EPHA5: variants seen among roughly 807,000 people sequenced by gnomAD.
EPHA5 encodes EPH receptor A5, also known as ephrin type-A receptor 5.
In EPHA5, 60 loss-of-function variants were observed where a neutral mutation model predicts 105.0. The observed-to-expected ratio is 0.57, with a 90% CI of 0.46 to 0.71. The LOEUF is 0.71. Among genes scored for constraint, EPHA5 ranks in the 30% least tolerant of loss-of-function variants. EPHA5 has a pLI of 0.00. For synonymous variants in EPHA5, 513 were observed against 449.1 expected, an observed-to-expected ratio of 1.14 and a Z score of -1.80; for missense variants, 1,218 against 1,274.7, an observed-to-expected ratio of 0.96 and a Z score of 0.68.
intron 3 of EPHA5, among the ~76,000 whole-genome samples, chr4:65,558,928 AT>A (rs964438078): frequency 3.9e-5 from 6 of 152,224 alleles, no homozygotes; most frequent in Admixed American, 1.3e-4. Flanking sequence ...TTTTAAAGTG[AT>A]TTTTTAAAAC....
chr4:65,660,549 T>G (rs1286768572), intron 1 of EPHA5, among the ~76,000 whole-genome samples: 1 of 152,150 alleles, frequency 6.6e-6, no homozygotes, highest in African/African-American at 2.4e-5. Flanking sequence ...GTGTACCCAC[T>G]TGGCTTTAGG....
chr4:65,549,653 T>G (rs1218149744), intron 3 of EPHA5, among the ~76,000 whole-genome samples: 1 of 152,122 alleles, frequency 6.6e-6, no homozygotes, highest in East Asian at 1.9e-4. Flanking sequence ...GATTATTTAC[T>G]GACAAAAGAA....
intron 3 of EPHA5, among the ~76,000 whole-genome samples, chr4:65,511,829 AT>A (rs1463658269): frequency 6.6e-6 from 1 of 152,192 alleles, no homozygotes; most frequent in Non-Finnish European, 1.5e-5. Flanking sequence ...GTATAAGATA[AT>A]TTATTTCCAA....
chr4:65,633,472 T>G (rs1175222672), intron 2 of EPHA5, among the ~76,000 whole-genome samples: 1 of 151,946 alleles, frequency 6.6e-6, no homozygotes, highest in Admixed American at 6.6e-5. Context: ...AACATTTTCA[T>G]TAATAAATGG....
At chr4:65,518,608 A>G (rs1377889000) in intron 3 of EPHA5, among the ~76,000 whole-genome samples, 3 of 152,134 alleles carry the variant, frequency 2.0e-5, no homozygotes, top group Admixed American at 6.6e-5. Context: ...GCCTAGTTTG[A>G]CATGCATAGA....
rs199557544 is a variant in EPHA5 at position 65,324,102 on chromosome 4, A to G, written c.*12T>C. ...AGAATCATTCACTTGAAGAAGCGAC[A>G]TTTACATGAAGTTACAATGGCACCA... On this transcript the variant is annotated 3_prime_UTR_variant, in exon 17 of 17. Transcript: ENST00000613740. 6.3e-7 allele frequency: 1 copy of G among 1,580,610 alleles called. No homozygotes were observed. Among genetic ancestry groups the G allele is most frequent in the Admixed American group, 1.7e-5 (1 of 59,414 alleles).
At chr4:65,418,743 T>C (rs960373141) in intron 6 of EPHA5, among the ~76,000 whole-genome samples, 1 of 152,078 alleles carries the variant, frequency 6.6e-6, no homozygotes, top group Non-Finnish European at 1.5e-5. Flanking sequence ...CTCCCCATTG[T>C]TTTATTCTTT....
chr4:65,634,798 C>T (rs528018053), intron 2 of EPHA5, among the ~76,000 whole-genome samples: 2 of 152,122 alleles, frequency 1.3e-5, no homozygotes, highest in Non-Finnish European at 1.5e-5. Context: ...CCTTCATGCT[C>T]AGTGTGGGCT....
intron 8 of EPHA5, among the ~76,000 whole-genome samples, chr4:65,388,014 G>C (rs1397677546): frequency 1.6e-5 from 2 of 121,392 alleles, no homozygotes; most frequent in African/African-American, 6.5e-5. Context: ...TCCCCTTCCT[G>C]TGTCCATGTG....
At chr4:65,348,697 T>TATATAA (rs1434874583) in intron 13 of EPHA5, among the ~76,000 whole-genome samples, 3 of 24,434 alleles carry the variant, frequency 1.2e-4, no homozygotes, top group African/African-American at 3.4e-4. Flanking sequence ...TATATATATA[T>TATATAA]AAAATATATA....
intron 3 of EPHA5, among the ~76,000 whole-genome samples, chr4:65,599,104 T>G (rs1374290741): frequency 1.3e-5 from 2 of 152,116 alleles, no homozygotes; most frequent in Non-Finnish European, 2.9e-5. Context: ...CAACAAGGTT[T>G]ACCTCTATAT....
intron 2 of EPHA5, among the ~76,000 whole-genome samples, chr4:65,632,839 T>C (rs1192619099): frequency 1.3e-5 from 2 of 152,072 alleles, no homozygotes; most frequent in Non-Finnish European, 2.9e-5. Context: ...TTTCATGTTG[T>C]ATAACTTGAG....
intron 8 of EPHA5, among the ~76,000 whole-genome samples, chr4:65,382,265 C>T (rs1212632171): frequency 1.3e-5 from 2 of 150,894 alleles, no homozygotes; most frequent in Non-Finnish European, 3.0e-5. Context: ...TGAGGTGAGA[C>T]ATATTTAGAA....
intron 9 of EPHA5, 43 bp from the exon 10 acceptor site, chr4:65,366,100 G>C (rs2148893310): frequency 6.5e-7 from 1 of 1,537,422 alleles, no homozygotes; most frequent in Non-Finnish European, 8.9e-7. Flanking sequence ...AGTTGTGATG[G>C]ATGAGCAAAA....
intron 3 of EPHA5, among the ~76,000 whole-genome samples, chr4:65,516,223 A>G (rs1351689157): frequency 6.6e-6 from 1 of 152,204 alleles, no homozygotes; most frequent in Non-Finnish European, 1.5e-5. Flanking sequence ...TGGAAGCCTT[A>G]CCAATAACAT....
intron 6 of EPHA5, among the ~76,000 whole-genome samples, chr4:65,416,543 T>C (rs944846289): frequency 2.0e-5 from 3 of 152,122 alleles, no homozygotes; most frequent in African/African-American, 7.2e-5. Context: ...CACTAACTAC[T>C]GAAGGTACAA....
intron 14 of EPHA5, among the ~76,000 whole-genome samples, chr4:65,340,333 T>C (rs932598175): frequency 6.6e-5 from 10 of 152,102 alleles, no homozygotes; most frequent in African/African-American, 2.4e-4. Flanking sequence ...CCAGTGACTC[T>C]TGCCAGAAAA....
chr4:65,615,524 C>T (rs1745153212), intron 2 of EPHA5, among the ~76,000 whole-genome samples: 1 of 151,734 alleles, frequency 6.6e-6, no homozygotes, highest in African/African-American at 2.4e-5. Context: ...TACTATCAAC[C>T]AATAATTCTA....
At chr4:65,337,802 CCCCCTGGAAAAGCATATAATAAAA>C (rs1387748739) in intron 14 of EPHA5, among the ~76,000 whole-genome samples, 7 of 151,706 alleles carry the variant, frequency 4.6e-5, no homozygotes, top group African/African-American at 7.3e-5. Flanking sequence ...AGTTTATATC[CCCCCTGGAAAAGCATATAATAAAA>C]ATTATTAGAA....
Sources: gnomAD v4.1 joint callset for allele counts (sites outside exome capture counted in the v4.1 genomes callset) on GRCh38, gnomAD v4.1.1 for gene constraint, MANE v1.5 for transcripts, NCBI Gene and HGNC (gene_info 2026-07-23, HGNC 2026-07-21) for gene names.